Variants in KLHL1 observed in about 807,000 individuals in gnomAD.
KLHL1 encodes the protein kelch-like protein 1.
In KLHL1, 47 loss-of-function variants were observed where a neutral mutation model predicts 77.7. That is an observed-to-expected ratio of 0.60 (90% CI 0.48 to 0.77). KLHL1 has a LOEUF of 0.77. KLHL1 is among the 30% of genes least tolerant of loss of function. KLHL1 has a pLI of 0.00. For missense variants in KLHL1, 925 were observed against 910.8 expected (o/e 1.02, Z -0.20); for synonymous variants, 360 against 325.2 (o/e 1.11, Z -1.15).
At chr13:70,024,624 C>A (rs879365242) in intron 1 of KLHL1, among the ~76,000 whole-genome samples, 2,228 of 49,900 alleles carry the variant, frequency 0.045, 28 homozygotes, top group African/African-American at 0.12. Context: ...AAAGATTTCT[C>A]TCTCTCTCTC....
intron 4 of KLHL1, among the ~76,000 whole-genome samples, chr13:69,921,892 G>C (rs1481088441): frequency 6.6e-6 from 1 of 151,020 alleles, no homozygotes; most frequent in South Asian, 2.1e-4. Context: ...GGAGTACTTA[G>C]GGAGTTATAG....
chr13:70,008,805 T>A (rs1254210828), intron 1 of KLHL1, among the ~76,000 whole-genome samples: 2 of 152,148 alleles, frequency 1.3e-5, no homozygotes, highest in African/African-American at 4.8e-5. Flanking sequence ...TATTCACCAG[T>A]ATGAATCTGC....
At chr13:70,103,782 A>G (rs1887980608) in intron 1 of KLHL1, among the ~76,000 whole-genome samples, 1 of 152,198 alleles carries the variant, frequency 6.6e-6, no homozygotes, top group East Asian at 1.9e-4. Flanking sequence ...AAGGAAATTG[A>G]GCAAGACAGA....
At chr13:70,073,613 A>C (rs973766955) in intron 1 of KLHL1, among the ~76,000 whole-genome samples, 16 of 151,826 alleles carry the variant, frequency 1.1e-4, no homozygotes, top group African/African-American at 3.6e-4. Flanking sequence ...TTGTCTCTAC[A>C]AAAAATTCTT....
At chr13:70,082,907 A>G (rs899936888) in intron 1 of KLHL1, among the ~76,000 whole-genome samples, 2 of 152,212 alleles carry the variant, frequency 1.3e-5, no homozygotes, top group East Asian at 3.9e-4. Context: ...CTTACTTATA[A>G]GTGGGAGCTA....
intron 1 of KLHL1, among the ~76,000 whole-genome samples, chr13:70,015,888 T>A (rs547623109): frequency 1.1e-3 from 167 of 152,328 alleles, no homozygotes; most frequent in African/African-American, 3.9e-3. Flanking sequence ...ACTGAATATA[T>A]TTTTATTCCT....
At chr13:69,768,256 G>T (rs987440721) in intron 7 of KLHL1, among the ~76,000 whole-genome samples, 1 of 152,110 alleles carries the variant, frequency 6.6e-6, no homozygotes, top group African/African-American at 2.4e-5. Flanking sequence ...TGTATTAAAA[G>T]AATTTAGAGT....
intron 1 of KLHL1, among the ~76,000 whole-genome samples, chr13:70,029,777 C>A (rs550793132): frequency 6.6e-6 from 1 of 152,230 alleles, no homozygotes; most frequent in African/African-American, 2.4e-5. Context: ...TGTAAATGGG[C>A]TAAATGCTCC....
intron 9 of KLHL1, among the ~76,000 whole-genome samples, chr13:69,710,789 A>G (rs577098226): frequency 6.6e-6 from 1 of 152,076 alleles, no homozygotes; most frequent in East Asian, 1.9e-4. Context: ...TTTTGCCTCT[A>G]GTTGCCAGGT....
chr13:70,034,443 A>G (rs2137370709), intron 1 of KLHL1, among the ~76,000 whole-genome samples: 1 of 152,272 alleles, frequency 6.6e-6, no homozygotes, highest in East Asian at 1.9e-4. Context: ...GTTGCTATTC[A>G]TTGACCAATG....
intron 1 of KLHL1, among the ~76,000 whole-genome samples, chr13:70,028,680 C>G (rs1886015490): frequency 6.6e-6 from 1 of 151,976 alleles, no homozygotes; most frequent in Non-Finnish European, 1.5e-5. Context: ...TGGGTATAAT[C>G]AAGGAATATT....
At chr13:69,811,398 A>T (rs1173955664) in intron 6 of KLHL1, among the ~76,000 whole-genome samples, 5 of 136,214 alleles carry the variant, frequency 3.7e-5, no homozygotes, top group African/African-American at 1.7e-4. Context: ...GTAATAGATA[A>T]AAAAAAAAAG....
At chr13:69,928,049 G>A (rs887483153) in intron 4 of KLHL1, among the ~76,000 whole-genome samples, 7 of 152,164 alleles carry the variant, frequency 4.6e-5, no homozygotes, top group African/African-American at 1.7e-4. Flanking sequence ...TTCATAGAAA[G>A]TCACATAGCA....
At chr13:69,993,022 C>T (rs1044106392) in intron 1 of KLHL1, among the ~76,000 whole-genome samples, 2 of 151,824 alleles carry the variant, frequency 1.3e-5, no homozygotes, top group African/African-American at 4.8e-5. Context: ...ATTAAACTGC[C>T]ATAAGCAGGC....
chr13:69,804,807 A>C (rs1231236386), intron 6 of KLHL1, among the ~76,000 whole-genome samples: 1 of 152,284 alleles, frequency 6.6e-6, no homozygotes, highest in East Asian at 1.9e-4. Flanking sequence ...ATGCCATCAA[A>C]TCATTAGGAA....
intron 6 of KLHL1, among the ~76,000 whole-genome samples, chr13:69,818,031 G>GCTGA (rs1229085348): frequency 6.6e-6 from 1 of 152,020 alleles, no homozygotes; most frequent in Admixed American, 6.5e-5. Context: ...AATATTTACA[G>GCTGA]CTGAATTAGT....
At chr13:69,781,359 T>C (rs796282851) in intron 7 of KLHL1, among the ~76,000 whole-genome samples, 5 of 149,642 alleles carry the variant, frequency 3.3e-5, no homozygotes, top group Admixed American at 1.3e-4. Flanking sequence ...CTTGCTAAGA[T>C]TGGCAGAACC....
At chr13:69,782,839 A>G (rs1052526765) in intron 7 of KLHL1, among the ~76,000 whole-genome samples, 1 of 152,186 alleles carries the variant, frequency 6.6e-6, no homozygotes, top group Non-Finnish European at 1.5e-5. Flanking sequence ...GCAGCTGGTG[A>G]TCTGAGAATG....
chr13:69,901,480 T>C (rs1331752798), intron 4 of KLHL1, among the ~76,000 whole-genome samples: 1 of 152,146 alleles, frequency 6.6e-6, no homozygotes, highest in Non-Finnish European at 1.5e-5. Context: ...TATGATATGC[T>C]TGGGTGACAA....
Sources: gnomAD v4.1 joint callset for allele counts (sites outside exome capture counted in the v4.1 genomes callset) on GRCh38, gnomAD v4.1.1 for gene constraint, MANE v1.5 for transcripts, NCBI Gene and HGNC (gene_info 2026-07-23, HGNC 2026-07-21) for gene names.